The following DIS3L2 variants were observed in gnomAD, a reference collection of about 807,000 sequenced individuals.
DIS3L2 encodes the protein DIS3 like 3'-5' exoribonuclease 2.
In DIS3L2, 34 loss-of-function variants were observed where a neutral mutation model predicts 97.5. The observed-to-expected ratio is 0.35, with a 90% CI of 0.27 to 0.46. The LOEUF (loss-of-function observed/expected upper bound fraction) is 0.46. Among genes scored for constraint, DIS3L2 ranks in the 20% least tolerant of loss-of-function variants. DIS3L2 has a pLI of 1.00. For missense variants in DIS3L2, 1,038 were observed against 1,146.0 expected (o/e 0.91, Z 1.36); for synonymous variants, 435 against 445.2 (o/e 0.98, Z 0.29).
At chr2:232,166,034 C>A (rs1426266521) in intron 9 of DIS3L2, among the ~76,000 whole-genome samples, 2 of 150,460 alleles carry the variant, frequency 1.3e-5, no homozygotes, top group African/African-American at 4.9e-5. Context: ...CTGGTTTAGA[C>A]CATAGAATAA....
At chr2:232,011,672 T>A (rs1440747765) in intron 1 of DIS3L2, among the ~76,000 whole-genome samples, 1 of 147,334 alleles carries the variant, frequency 6.8e-6, no homozygotes, top group African/African-American at 2.5e-5. Context: ...TTTTTCTTTT[T>A]TGAGACAGAG....
chr2:232,009,213 T>G (rs1694131604), intron 1 of DIS3L2, among the ~76,000 whole-genome samples: 1 of 152,236 alleles, frequency 6.6e-6, no homozygotes, highest in African/African-American at 2.4e-5. Flanking sequence ...TAGGCTCCCC[T>G]AGAGATAGCT....
chr2:232,343,634 G>C, exon 14 of DIS3L2: 1 of 1,529,106 alleles, frequency 6.5e-7, no homozygotes, highest in Non-Finnish European at 8.9e-7. Flanking sequence ...AAAGTAAACA[G>C]GTAAAGGCTG....
chr2:232,321,486 A>G (rs546103625), intron 14 of DIS3L2, among the ~76,000 whole-genome samples: 1 of 152,034 alleles, frequency 6.6e-6, no homozygotes, highest in East Asian at 1.9e-4. Flanking sequence ...GGCCTTCCGC[A>G]TCCCACTGCT....
intron 10 of DIS3L2, among the ~76,000 whole-genome samples, chr2:232,232,147 C>T (rs1002655270): frequency 6.6e-6 from 1 of 152,032 alleles, no homozygotes; most frequent in Admixed American, 6.6e-5. Context: ...ACATGATGAG[C>T]AGTTGGGTTG....
intron 13 of DIS3L2, among the ~76,000 whole-genome samples, chr2:232,272,822 A>G (rs1172029180): frequency 6.6e-6 from 1 of 152,290 alleles, no homozygotes; most frequent in East Asian, 1.9e-4. Flanking sequence ...GTGCCCTTCC[A>G]GTGCAGGGTC....
intron 6 of DIS3L2, among the ~76,000 whole-genome samples, chr2:232,098,023 G>C (rs183431873): frequency 3.3e-5 from 5 of 152,248 alleles, no homozygotes; most frequent in African/African-American, 1.2e-4. Context: ...CTCTTTGGGC[G>C]TAGGGTGTAC....
At chr2:231,979,408 C>T (rs1693188617) in intron 1 of DIS3L2, among the ~76,000 whole-genome samples, 1 of 151,842 alleles carries the variant, frequency 6.6e-6, no homozygotes, top group South Asian at 2.1e-4. Flanking sequence ...AGGCATTCAC[C>T]ACCATGCCCG....
At chr2:232,329,708 C>T (rs924779540) in intron 14 of DIS3L2, 105 bp from the exon 15 acceptor site, 17 of 1,192,874 alleles carry the variant, frequency 1.4e-5, no homozygotes, top group Non-Finnish European at 1.6e-5. Context: ...TAAGCTGAGA[C>T]CTGAAGGGTG....
chr2:232,078,717 G>A (rs1229891423), intron 5 of DIS3L2, among the ~76,000 whole-genome samples: 1 of 152,202 alleles, frequency 6.6e-6, no homozygotes, highest in Admixed American at 6.5e-5. Flanking sequence ...AAAATGTGTA[G>A]TATACAGTTA....
rs554832054 is a variant in DIS3L2 at position 232,014,964 on chromosome 2, C to G, written c.37C>G (p.Leu13Val). The G allele has an allele frequency of 5.6e-6, 9 of 1,614,040 alleles. No homozygotes were observed. The highest frequency in any genetic ancestry group is 7.6e-6 in the Non-Finnish European group (9 of 1,179,950). ...TGACTACAGAATGAACCTCCGGCCC[C>G]TGGGGACCCCCAGAGGTAGTAAAAG... ...HPDYRMNLRP[L>V]GTPRGVSAVA... Residue 13 changes from leucine (L) to valine (V), a missense_variant, in exon 2 of 21, where the codon CTG becomes GTG. Transcript: ENST00000325385.
intron 13 of DIS3L2, among the ~76,000 whole-genome samples, chr2:232,267,413 A>G (rs1693880542): frequency 1.3e-5 from 2 of 152,154 alleles, no homozygotes; most frequent in Admixed American, 1.3e-4. Flanking sequence ...GCAGATACCA[A>G]ATGCATTCTT....
chr2:232,094,357 G>A (rs1321891500), intron 6 of DIS3L2, among the ~76,000 whole-genome samples: 2 of 152,104 alleles, frequency 1.3e-5, no homozygotes, highest in Non-Finnish European at 2.9e-5. Flanking sequence ...TGCAGATTAA[G>A]CCAGCTCTTT....
chr2:232,075,648 T>C (rs1268703576), intron 5 of DIS3L2, among the ~76,000 whole-genome samples: 2 of 152,212 alleles, frequency 1.3e-5, no homozygotes, highest in African/African-American at 4.8e-5. Context: ...CTTGCACTTC[T>C]CGAGTCATCT....
intron 13 of DIS3L2, among the ~76,000 whole-genome samples, chr2:232,278,384 A>T (rs1475207839): frequency 6.6e-6 from 1 of 152,210 alleles, no homozygotes; most frequent in Non-Finnish European, 1.5e-5. Context: ...AGCTACACGT[A>T]TAGTCATGTA....
rs1003960577 is a variant in DIS3L2 at position 232,300,246 on chromosome 2, C to T, written c.1739+127C>T. ...AGGGAATACACCTTTTACTACTATA[C>T]TAGAAAATAGCTGGCACAGAAATAG... On this transcript the variant is annotated intron_variant, in intron 14 of 20. Coordinates refer to ENST00000325385, the MANE Select transcript of DIS3L2 (RefSeq NM_152383.5). 2.3e-5 allele frequency: 19 copies of T among 813,308 alleles called. No homozygotes were observed. In the South Asian group the frequency reaches 3.0e-4, roughly 13 times the overall value. The allele number at this position is 813,308 out of a possible 1,614,324, so 50.4% of individuals were successfully genotyped here.
At chr2:232,176,627 C>T (rs1031889024) in intron 9 of DIS3L2, among the ~76,000 whole-genome samples, 2 of 151,474 alleles carry the variant, frequency 1.3e-5, no homozygotes, top group East Asian at 1.9e-4. Context: ...CTCACTCTGT[C>T]GCCCAGGCTG....
intron 5 of DIS3L2, among the ~76,000 whole-genome samples, chr2:232,074,185 T>C (rs942385414): frequency 7.2e-5 from 11 of 152,382 alleles, no homozygotes; most frequent in African/African-American, 2.4e-4. Flanking sequence ...TTTGCATTTA[T>C]TTATCTTGTA....
intron 6 of DIS3L2, chr2:232,087,939 C>T (rs1032598231): frequency 9.7e-6 from 5 of 518,010 alleles, no homozygotes; most frequent in African/African-American, 9.5e-5. Flanking sequence ...GCAGTAGTTG[C>T]AGTTGCCACA....
Sources: allele counts gnomAD v4.1 joint callset (sites outside exome capture counted in the v4.1 genomes callset), GRCh38; gene constraint gnomAD v4.1.1; transcripts MANE v1.5; gene names NCBI Gene and HGNC (gene_info 2026-07-23, HGNC 2026-07-21).